LNX1: variants seen among roughly 807,000 people sequenced by gnomAD.
The protein encoded by LNX1 is E3 ubiquitin-protein ligase LNX.
A neutral mutation model predicts 68.4 loss-of-function variants in LNX1; 54 were observed. That is an observed-to-expected ratio of 0.79 (90% CI 0.63 to 0.99). The LOEUF (loss-of-function observed/expected upper bound fraction) is 0.99. Ranked by LOEUF, LNX1 falls within the 50% of genes least tolerant of loss-of-function variation. The pLI is 0.00. For missense variants in LNX1, 906 were observed against 926.4 expected, an observed-to-expected ratio of 0.98 and a Z score of 0.29; for synonymous variants, 336 against 350.0, an observed-to-expected ratio of 0.96 and a Z score of 0.45.
At chr4:53,535,393 T>C (rs536336522) in intron 2 of LNX1, among the ~76,000 whole-genome samples, 2 of 152,218 alleles carry the variant, frequency 1.3e-5, no homozygotes, top group African/African-American at 4.8e-5. Context: ...TTGTCACAAA[T>C]GAAATCTCTC....
At chr4:53,512,964 A>T (rs1726466675) in intron 2 of LNX1, among the ~76,000 whole-genome samples, 1 of 151,832 alleles carries the variant, frequency 6.6e-6, no homozygotes, top group Non-Finnish European at 1.5e-5. Context: ...TCAGCCCCCA[A>T]CTCCATCTCC....
chr4:53,575,693 A>T (rs1731439502), intron 1 of LNX1: 1 of 1,395,482 alleles, frequency 7.2e-7, no homozygotes, highest in Non-Finnish European at 9.3e-7. Context: ...GGGCTGGCTA[A>T]TCAAGGAGGA....
At chr4:53,484,455 C>A (rs1233513749) in intron 6 of LNX1, among the ~76,000 whole-genome samples, 2 of 151,778 alleles carry the variant, frequency 1.3e-5, no homozygotes, top group African/African-American at 2.4e-5. Context: ...CCCAGCTACT[C>A]GGGAGGCTGC....
intron 1 of LNX1, among the ~76,000 whole-genome samples, chr4:53,581,647 A>T (rs965697058): frequency 1.3e-5 from 2 of 152,166 alleles, no homozygotes; most frequent in Non-Finnish European, 2.9e-5. Context: ...TAAAACCAAC[A>T]TATCTCATGA....
intron 1 of LNX1, among the ~76,000 whole-genome samples, chr4:53,631,201 G>C (rs1393577571): frequency 6.6e-6 from 1 of 152,176 alleles, no homozygotes; most frequent in Non-Finnish European, 1.5e-5. Context: ...CCACTACCTG[G>C]TGAGAGTGAA....
intron 1 of LNX1, chr4:53,617,239 A>G (rs1733712862): frequency 6.6e-6 from 1 of 152,212 alleles, no homozygotes; most frequent in Non-Finnish European, 1.5e-5. Flanking sequence ...AGGAGTTTTG[A>G]GACCTCACCT....
chr4:53,558,323 C>G, intron 2 of LNX1: 1 of 1,068,068 alleles, frequency 9.4e-7, no homozygotes, highest in Non-Finnish European at 1.1e-6. Context: ...TGGGAGCAGA[C>G]AGGCTGGGAG....
chr4:53,565,596 C>A (rs1470770742), intron 2 of LNX1, among the ~76,000 whole-genome samples: 8 of 152,152 alleles, frequency 5.3e-5, no homozygotes, highest in African/African-American at 1.9e-4. Flanking sequence ...AGCGCCTCTC[C>A]TCCTCCAAAG....
intron 2 of LNX1, among the ~76,000 whole-genome samples, chr4:53,553,817 T>C (rs1398894551): frequency 6.6e-6 from 1 of 152,192 alleles, no homozygotes; most frequent in Non-Finnish European, 1.5e-5. Context: ...TTCACTGTCC[T>C]CTAGGTCAAG....
intron 2 of LNX1, among the ~76,000 whole-genome samples, chr4:53,569,582 C>G (rs969834452): frequency 6.7e-6 from 1 of 148,608 alleles, no homozygotes. Context: ...CTAGGCATTA[C>G]CATTCAGGAC....
chr4:53,537,219 C>T (rs1187463882), intron 2 of LNX1, among the ~76,000 whole-genome samples: 1 of 152,236 alleles, frequency 6.6e-6, no homozygotes, highest in Non-Finnish European at 1.5e-5. Flanking sequence ...ACATCTGACG[C>T]TTCTCATGGA....
chr4:53,555,389 C>G (rs1729837453), intron 2 of LNX1, among the ~76,000 whole-genome samples: 1 of 152,260 alleles, frequency 6.6e-6, no homozygotes, highest in African/African-American at 2.4e-5. Flanking sequence ...CTTCAAGATC[C>G]AGCTTAAACC....
chr4:53,488,586 T>A (rs921387798), intron 6 of LNX1, among the ~76,000 whole-genome samples: 1 of 152,198 alleles, frequency 6.6e-6, no homozygotes, highest in Admixed American at 6.5e-5. Flanking sequence ...ACCTCATTAA[T>A]GGCGTTTCAA....
chr4:53,574,041 A>T lies in LNX1; in HGVS notation c.-39T>A. 6.4e-7 allele frequency: 1 copy of T among 1,567,982 alleles called. No homozygotes were observed. Among genetic ancestry groups the T allele is most frequent in the Non-Finnish European group, 8.6e-7 (1 of 1,156,226 alleles). Reference sequence around the variant, plus strand: ...GCAGTATAACAGGAAACTCAGTCACACAATATTTCCTCAGGAGCAAGTCAA... The same window carrying T: ...GCAGTATAACAGGAAACTCAGTCACTCAATATTTCCTCAGGAGCAAGTCAA... On this transcript the variant is annotated 5_prime_UTR_variant, in exon 2 of 11. Transcript: ENST00000263925.
At chr4:53,475,233 A>G (rs1413955643) in intron 9 of LNX1, among the ~76,000 whole-genome samples, 1 of 152,258 alleles carries the variant, frequency 6.6e-6, no homozygotes, top group East Asian at 1.9e-4. Context: ...ATGACAGAAT[A>G]GCTTTCAAAC....
chr4:53,468,858 C>A (rs1420648550), intron 9 of LNX1, among the ~76,000 whole-genome samples: 3 of 152,184 alleles, frequency 2.0e-5, no homozygotes, highest in African/African-American at 7.2e-5. Flanking sequence ...TAGTGACCTA[C>A]AAAGAGACTT....
At chr4:53,538,081 C>T (rs574678960) in intron 2 of LNX1, among the ~76,000 whole-genome samples, 4 of 152,196 alleles carry the variant, frequency 2.6e-5, no homozygotes, top group Admixed American at 2.6e-4. Context: ...TTCAACCAAC[C>T]ATTGGCTAGA....
Position 53,507,398 on chromosome 4 carries a change from G to C in LNX1, c.694C>G (p.Arg232Gly). The C allele has an allele frequency of 6.2e-7, 1 of 1,614,026 alleles. No homozygotes were observed. Residue 232 changes from arginine (R) to glycine (G), a missense_variant, in exon 4 of 11, where the codon CGA (arginine) becomes GGA (glycine). Coordinates refer to ENST00000263925, the MANE Select transcript of LNX1 (RefSeq NM_001126328.3). ...ACTGCACTCCCGCTCTTTGTCCTTC[G>C]AAGAACACTCAAAGCTCGATTTATT... ...KKINRALSVLRRTKSGSAVAN... is the reference protein window; with the variant it reads ...KKINRALSVLGRTKSGSAVAN...
At chr4:53,531,920 G>C (rs115673147) in intron 2 of LNX1, among the ~76,000 whole-genome samples, 1,608 of 152,292 alleles carry the variant, frequency 0.011, 35 homozygotes, top group African/African-American at 0.037. Context: ...TTAGGGAACA[G>C]ACACAGTGAG....
Sources: allele counts gnomAD v4.1 joint callset (sites outside exome capture counted in the v4.1 genomes callset), GRCh38; gene constraint gnomAD v4.1.1; transcripts MANE v1.5; gene names NCBI Gene and HGNC (gene_info 2026-07-23, HGNC 2026-07-21).